Variants in SEPTIN4 observed in about 807,000 individuals in gnomAD.
SEPTIN4 encodes the protein septin-4.
Under a neutral mutation model 107.1 loss-of-function variants are expected in SEPTIN4, and 52 were observed. That is an observed-to-expected ratio of 0.49 (90% CI 0.39 to 0.61). SEPTIN4 has a LOEUF of 0.61. Among genes scored for constraint, SEPTIN4 ranks in the 20% least tolerant of loss-of-function variants. The pLI, the probability that SEPTIN4 is intolerant of heterozygous loss-of-function variation, is 0.00. For synonymous variants in SEPTIN4, 417 were observed against 467.0 expected, an observed-to-expected ratio of 0.89 and a Z score of 1.38; for missense variants, 1,048 against 1,243.5, an observed-to-expected ratio of 0.84 and a Z score of 2.36.
At chr17:58,532,744 A>G (rs913242955) in intron 3 of SEPTIN4, among the ~76,000 whole-genome samples, 1 of 152,166 alleles carries the variant, frequency 6.6e-6, no homozygotes, top group East Asian at 1.9e-4. Flanking sequence ...GGAGAGGCCA[A>G]CCCAGGCGTG....
intron 3 of SEPTIN4, among the ~76,000 whole-genome samples, chr17:58,536,244 A>G (rs2043706855): frequency 6.6e-6 from 1 of 152,238 alleles, no homozygotes; most frequent in Non-Finnish European, 1.5e-5. Flanking sequence ...CTCATAGGTT[A>G]CTATGAAAAC....
chr17:58,529,100 A>C lies in SEPTIN4; in HGVS notation c.1615-2122T>G, dbSNP rs1373503706. On this transcript the variant is annotated intron_variant, in intron 3 of 13. Coordinates refer to ENST00000672673, the MANE Select transcript of SEPTIN4 (RefSeq NM_001368771.2). The stretch of plus-strand genomic sequence containing the variant: ...GACAGGTCACGTCCACCCATCTCCC[A>C]GAGCAGCACCTTACCCCAGCTTCAG... 5 of 1,614,020 alleles carry C rather than the reference A, an allele frequency of 3.1e-6. No individual in the cohort carries two copies. In the African/African-American group the frequency reaches 5.3e-5, roughly 17 times the overall value.
At chr17:58,541,264 C>T (rs1189115511) in intron 2 of SEPTIN4, among the ~76,000 whole-genome samples, 1 of 152,202 alleles carries the variant, frequency 6.6e-6, no homozygotes, top group Non-Finnish European at 1.5e-5. Context: ...CCACAATGCT[C>T]ACAGCAAGAA....
chr17:58,536,111 G>T (rs944143696), intron 3 of SEPTIN4, among the ~76,000 whole-genome samples: 10 of 152,224 alleles, frequency 6.6e-5, no homozygotes, highest in African/African-American at 1.9e-4. Flanking sequence ...GGCTATAGAA[G>T]AAGGGTTTCT....
At chr17:58,541,821 C>G (rs750854905) in intron 2 of SEPTIN4, 101 bp downstream of exon 2, 12 of 1,612,908 alleles carry the variant, frequency 7.4e-6, no homozygotes, top group African/African-American at 2.7e-5. Flanking sequence ...GCATTTATCT[C>G]CTAAACGACC....
Position 58,521,769 on chromosome 17 carries a change from C to T in SEPTIN4, c.2436G>A (p.Leu812=), listed in dbSNP as rs749224244. The change falls in exon 9 of 14, where the codon CTG becomes CTA. Residue 812 remains leucine, a synonymous_variant. Transcript: ENST00000672673. This position sits in a 1 kb window ranked among gnomAD's most constrained non-coding sequence, Gnocchi z 6.4. The stretch of plus-strand genomic sequence containing the variant: ...TCTTGTGGTCCACTTCGGGAGGTGT[C>T]AGTGTGTCTGCCTTAGCCAGGATAG... The part of the protein sequence containing the change: ...IVPILAKADT[L]TPPEVDHKKR... 1 of 1,614,250 alleles carries T rather than the reference C, an allele frequency of 6.2e-7. No individual in the cohort carries two copies. Among genetic ancestry groups the T allele is most frequent in the Non-Finnish European group, 8.5e-7 (1 of 1,180,050 alleles).
Position 58,542,677 on chromosome 17 carries a change from G to A in SEPTIN4, c.1510C>T (p.Pro504Ser). 1 of 1,614,150 alleles carries A rather than the reference G, an allele frequency of 6.2e-7. No individual in the cohort carries two copies. Among genetic ancestry groups the A allele is most frequent in the South Asian group, 1.1e-5 (1 of 91,086 alleles). The change falls in exon 1 of 14, where the codon CCC (proline) becomes TCC (serine). Residue 504 changes from proline (P) to serine (S), a missense_variant. This residue lies in a region of SEPTIN4 where 787 missense variants were observed against 871.8 expected (regional missense o/e 0.90). Coordinates refer to ENST00000672673, the MANE Select transcript of SEPTIN4 (RefSeq NM_001368771.2). The stretch of plus-strand genomic sequence containing the variant: ...ATGGGTTGTTTGCAGGTGTGCTTGG[G>A]GGTCTGTGGCACTTCACTCAGTGGT... Reference protein sequence around the residue: ...WAPLSEVPQTPKHTCKQPIQR... With the variant: ...WAPLSEVPQTSKHTCKQPIQR...
At chr17:58,529,860 T>C (rs940818537) in intron 3 of SEPTIN4, 5 of 151,664 alleles carry the variant, frequency 3.3e-5, no homozygotes, top group Non-Finnish European at 7.3e-5. Context: ...CTCCTAAATT[T>C]CCCTGCAGGG....
chr17:58,536,476 G>A (rs1393947895), intron 3 of SEPTIN4, among the ~76,000 whole-genome samples: 2 of 152,146 alleles, frequency 1.3e-5, no homozygotes, highest in African/African-American at 4.8e-5. Context: ...TGACCAAGCC[G>A]CCACCACCTG....
chr17:58,523,819 C>T (rs933911996), intron 7 of SEPTIN4, among the ~76,000 whole-genome samples: 3 of 152,078 alleles, frequency 2.0e-5, no homozygotes, highest in Non-Finnish European at 4.4e-5. Context: ...CCTGAGTATG[C>T]TGTAAATAGC....
rs1464566146 is a variant in SEPTIN4 at position 58,521,696 on chromosome 17, G to GT, written c.2469+39_2469+40insA. 3.5e-5 allele frequency: 56 copies of GT among 1,614,086 alleles called. No individual in the cohort carries two copies. Among genetic ancestry groups the GT allele is most frequent in the Non-Finnish European group, 4.7e-5 (56 of 1,180,050 alleles). ...AGTTCTGGGGACCACATCCTTTCTA[G>GT]AAGCCCACCTGATCCCCTCCCACCA... is the stretch of plus-strand genomic sequence containing the variant. On this transcript the variant is annotated intron_variant, in intron 9 of 13. Transcript: ENST00000672673. This position sits in a 1 kb window ranked among gnomAD's most constrained non-coding sequence, Gnocchi z 6.4.
At position 58,521,905 on chromosome 17, in the gene SEPTIN4, G is replaced by A; in HGVS notation, c.2352-52C>T. The A allele has an allele frequency of 6.2e-7, 1 of 1,614,254 alleles. No homozygotes were observed. The highest frequency in any genetic ancestry group is 8.5e-7 in the Non-Finnish European group (1 of 1,180,042). On this transcript the variant is annotated intron_variant, in intron 8 of 13. Transcript: ENST00000672673. The surrounding 1 kb of genome is among the most constrained non-coding windows in gnomAD (Gnocchi z 6.4). The stretch of plus-strand genomic sequence containing the variant: ...TGCTAGTGGCAGCCCTGCCCCTGGT[G>A]CTCTTGGCCTGTTCCCTTGACAGCA...
rs144447334 is a variant in SEPTIN4 at position 58,543,989 on chromosome 17, G to A, written c.198C>T (p.Asp66=). 1,203 of 1,613,958 alleles carry A rather than the reference G, an allele frequency of 7.5e-4. 16 individuals carry two copies. The East Asian group carries it at 0.022, about 30-fold the overall frequency. ...AHPTTPHSAS[D]YPRSVSLQSG... ...ACTGGAGGGAGACAGATCGAGGGTAGTCTGATGCTGAATGGGGAGTGGTGG... is the reference window on the plus strand; with the variant it reads ...ACTGGAGGGAGACAGATCGAGGGTAATCTGATGCTGAATGGGGAGTGGTGG... Residue 66 remains aspartate (D), a synonymous_variant, in exon 1 of 14, where the codon GAC becomes GAT. Transcript: ENST00000672673.
At chr17:58,527,772 A>G (rs1598290544) in intron 3 of SEPTIN4, 1 of 916,956 alleles carries the variant, frequency 1.1e-6, no homozygotes, top group African/African-American at 1.8e-5. Flanking sequence ...AGCTTCTGAC[A>G]GCCCCCAACT....
intron 3 of SEPTIN4, chr17:58,527,179 A>G (rs1314646595): frequency 1.0e-6 from 1 of 953,434 alleles, no homozygotes; most frequent in Admixed American, 1.7e-5. Flanking sequence ...TCCCCAATCC[A>G]ATATGCCAGG....
chr17:58,539,952 C>T (rs1288526853), intron 3 of SEPTIN4, among the ~76,000 whole-genome samples: 1 of 152,184 alleles, frequency 6.6e-6, no homozygotes. Context: ...TAGGCTGACC[C>T]CCACTATGCA....
chr17:58,539,258 G>A (rs2043814069), intron 3 of SEPTIN4: 2 of 1,274,736 alleles, frequency 1.6e-6, no homozygotes, highest in South Asian at 1.4e-5. Flanking sequence ...GAGCCACCCT[G>A]TTGCCAAGGC....
At chr17:58,542,093 T>C (rs1275813523) in intron 1 of SEPTIN4, 127 bp from the exon 2 acceptor site, 1 of 1,070,912 alleles carries the variant, frequency 9.3e-7, no homozygotes, top group Non-Finnish European at 1.3e-6. Context: ...CCCTTGGTCC[T>C]CTCCAAGAAG....
rs1272979725 is a variant in SEPTIN4, at chr17:58,526,679, T to C, written c.1911+3A>G. 1.3e-6 allele frequency: 2 copies of C among 1,558,238 alleles called. No homozygotes were observed. The highest frequency in any genetic ancestry group is 1.4e-5 in the African/African-American group (1 of 72,166). On this transcript the variant is annotated splice_donor_region_variant and intron_variant, in intron 4 of 13. Transcript: ENST00000672673. ...AAGGCAAAGGCAGGGCTGGAGGCTC[T>C]ACCTCAGAGGAATCATAGGGATCAA... is the stretch of plus-strand genomic sequence containing the variant.
Sources: gnomAD v4.1 joint callset for allele counts (sites outside exome capture counted in the v4.1 genomes callset) on GRCh38, gnomAD v4.1.1 for gene constraint, gnomAD v4.1.1 regional missense constraint, Gnocchi (gnomAD v3.1) non-coding constraint, MANE v1.5 for transcripts, NCBI Gene and HGNC (gene_info 2026-07-23, HGNC 2026-07-21) for gene names.